The following IDH2 variants were observed in gnomAD, a reference collection of about 807,000 sequenced individuals.
IDH2 encodes the protein isocitrate dehydrogenase (NADP(+)) 2.
In IDH2, 18 loss-of-function variants were observed where a neutral mutation model predicts 50.5. That is an observed-to-expected ratio of 0.36 (90% CI 0.25 to 0.53). The LOEUF (loss-of-function observed/expected upper bound fraction) is 0.53, where lower values mean the gene tolerates loss of function less well. IDH2 is among the 20% of genes least tolerant of loss of function. The probability of loss-of-function intolerance (pLI) is 0.92; values close to 1 mark genes in which losing one functional copy is unlikely to be tolerated. For synonymous variants in IDH2, 280 were observed against 239.8 expected (o/e 1.17, Z -1.55); for missense variants, 518 against 610.7 (o/e 0.85, Z 1.60).
chr15:90,098,410 C>T lies in IDH2; in HGVS notation c.115+3866G>A, dbSNP rs1272451634. Among the ~76,000 whole-genome samples, 1 of 152,214 alleles carries T rather than the reference C, an allele frequency of 6.6e-6. No individual in the cohort carries two copies. The highest frequency in any genetic ancestry group is 6.5e-5 in the Admixed American group (1 of 15,288). On this transcript the variant is annotated intron_variant, in intron 1 of 10. Transcript: ENST00000330062. This position sits in a 1 kb window ranked among gnomAD's most constrained non-coding sequence, Gnocchi z 5.1. ...ACCCATGCTCTCAGCAGAAAGGCTG[C>T]TCAGTCAGCATGTCCCAGCAAAAGA...
chr15:90,098,545 T>TGCATGCATGTAC lies in IDH2; in HGVS notation c.115+3730_115+3731insGTACATGCATGC, dbSNP rs1330187779. ...ATGTATGCATGCATGTATGTATGTA[T>TGCATGCATGTAC]GTATGTATGTATGTATTGAGACAGA... On this transcript the variant is annotated intron_variant, in intron 1 of 10. Coordinates refer to ENST00000330062, the MANE Select transcript of IDH2 (RefSeq NM_002168.4). This position sits in a 1 kb window ranked among gnomAD's most constrained non-coding sequence, Gnocchi z 5.1. Among the ~76,000 whole-genome samples, 2 of 151,806 alleles carry TGCATGCATGTAC rather than the reference T, an allele frequency of 1.3e-5. No individual in the cohort carries two copies. Among genetic ancestry groups the TGCATGCATGTAC allele is most frequent in the Non-Finnish European group, 2.9e-5 (2 of 67,928 alleles).
At position 90,085,370 on chromosome 15, in the gene IDH2, G is replaced by A. The variant is rs550377664; in HGVS notation, c.985C>T (p.Leu329=). 8.4e-6 allele frequency: 13 copies of A among 1,556,834 alleles called. No individual in the cohort carries two copies. The highest frequency in any genetic ancestry group is 1.1e-5 in the Non-Finnish European group (13 of 1,149,570). Residue 329 remains leucine (L), a synonymous_variant, in exon 8 of 11, where the codon CTG becomes TTG. Coordinates refer to ENST00000330062, the MANE Select transcript of IDH2 (RefSeq NM_002168.4). The surrounding 1 kb of genome is among the most constrained non-coding windows in gnomAD (Gnocchi z 5.5). ...ILAQGFGSLG[L]MTSVLVCPDG... ...GGGCAGACCAGGACGGACGTCATCA[G>A]GCCAAGGGAGCCAAAGCCTGGAGGG...
chr15:90,093,124 G>T (rs1040886432), intron 1 of IDH2, among the ~76,000 whole-genome samples: 1 of 152,246 alleles, frequency 6.6e-6, no homozygotes, highest in African/African-American at 2.4e-5. Context: ...CACCAAATCA[G>T]TAAGAGGTTG....
intron 1 of IDH2, among the ~76,000 whole-genome samples, chr15:90,101,916 C>A (rs1901343360): frequency 6.6e-6 from 1 of 151,966 alleles, no homozygotes; most frequent in African/African-American, 2.4e-5. Context: ...CACGGGTGCT[C>A]GTCTCGTTCC....
intron 1 of IDH2, among the ~76,000 whole-genome samples, chr15:90,097,169 G>T (rs1480225174): frequency 6.6e-6 from 1 of 152,170 alleles, no homozygotes; most frequent in African/African-American, 2.4e-5. Flanking sequence ...TACCTGTGGT[G>T]TCAGTTACCC....
Position 90,083,713 on chromosome 15 carries a change from ACT to A in IDH2, c.*551_*552del, listed in dbSNP as rs1358848707. 4 of 184,262 alleles carry A rather than the reference ACT, an allele frequency of 2.2e-5. No individual in the cohort carries two copies. Among genetic ancestry groups the A allele is most frequent in the African/African-American group, 9.5e-5 (4 of 42,254 alleles). 11.4% of individuals were successfully genotyped at this position (184,262 alleles called of 1,614,324 possible). ...ATGACAACCTATCAGGAACTGATTG[ACT>A]CTCAGAATGGAGAACTGGACACAGA... On this transcript the variant is annotated 3_prime_UTR_variant, in exon 11 of 11. Transcript: ENST00000330062.
At chr15:90,095,424 G>A (rs993848926) in intron 1 of IDH2, among the ~76,000 whole-genome samples, 1 of 151,520 alleles carries the variant, frequency 6.6e-6, no homozygotes, top group Non-Finnish European at 1.5e-5. Context: ...GTTTAGTTCT[G>A]GGGAGCATCT....
rs925624791 is a variant in IDH2, at chr15:90,085,489, C to T, written c.968-102G>A. Reference sequence around the variant, plus strand: ...ACCCAATATTGTAGCTGCCATAGTTCGTGGCTCTACTCAGCCTCCCCCAGC... The same window carrying T: ...ACCCAATATTGTAGCTGCCATAGTTTGTGGCTCTACTCAGCCTCCCCCAGC... On this transcript the variant is annotated intron_variant, in intron 7 of 10. Coordinates refer to ENST00000330062, the MANE Select transcript of IDH2 (RefSeq NM_002168.4). The surrounding 1 kb of genome is among the most constrained non-coding windows in gnomAD (Gnocchi z 5.5). 39 of 833,570 alleles carry T rather than the reference C, an allele frequency of 4.7e-5. No homozygotes were observed. Among genetic ancestry groups the T allele is most frequent in the Non-Finnish European group, 6.4e-5 (32 of 501,890 alleles). 51.6% of individuals were successfully genotyped at this position (833,570 alleles called of 1,614,324 possible). A position where few individuals can be genotyped will look rare whatever the true frequency, so the allele number is the denominator to read the frequency against.
intron 1 of IDH2, among the ~76,000 whole-genome samples, chr15:90,093,478 G>C (rs991402640): frequency 6.6e-6 from 1 of 152,196 alleles, no homozygotes; most frequent in Non-Finnish European, 1.5e-5. Context: ...GGTGATAAAG[G>C]AAATAGTATA....
At chr15:90,095,296 T>C (rs1008239873) in intron 1 of IDH2, among the ~76,000 whole-genome samples, 5 of 152,064 alleles carry the variant, frequency 3.3e-5, no homozygotes, top group Admixed American at 6.5e-5. Flanking sequence ...CTACTGCCTT[T>C]CCCAAGACGC....
chr15:90,086,430 G>A (rs567951269), intron 7 of IDH2, among the ~76,000 whole-genome samples: 106 of 151,896 alleles, frequency 7.0e-4, no homozygotes, highest in African/African-American at 2.5e-3. Flanking sequence ...TTTCACCCTT[G>A]TTGCCCAGGC....
chr15:90,090,749 A>C, intron 2 of IDH2, 105 bp from the exon 3 acceptor site: 1 of 1,240,816 alleles, frequency 8.1e-7, no homozygotes, highest in Non-Finnish European at 1.2e-6. Context: ...ACAGTCAGTC[A>C]AAACAGGGAT....
chr15:90,102,027 C>T (rs1301667421), intron 1 of IDH2, among the ~76,000 whole-genome samples: 1 of 151,684 alleles, frequency 6.6e-6, no homozygotes, highest in Non-Finnish European at 1.5e-5. Context: ...CCCCCGCCCG[C>T]GCAGAGCTGG....
chr15:90,096,647 G>A (rs1429857738), intron 1 of IDH2, among the ~76,000 whole-genome samples: 2 of 152,184 alleles, frequency 1.3e-5, no homozygotes, highest in Non-Finnish European at 2.9e-5. Flanking sequence ...GGGCACGGTG[G>A]CTCGCACCTG....
chr15:90,093,609 A>ATTTATTTATTTATTTATTT (rs368978089), intron 1 of IDH2, among the ~76,000 whole-genome samples: 1 of 150,332 alleles, frequency 6.7e-6, no homozygotes, highest in African/African-American at 2.4e-5. Context: ...TTAATTAATT[A>ATTTATTTATTTATTTATTT]ATTTATTTAT....
At chr15:90,099,145 A>T (rs1057491046) in intron 1 of IDH2, among the ~76,000 whole-genome samples, 2 of 152,002 alleles carry the variant, frequency 1.3e-5, no homozygotes, top group African/African-American at 4.8e-5. Context: ...TCCCGATAAG[A>T]TGGAAATCAG....
chr15:90,089,639 T>C (rs2151550744), intron 3 of IDH2, among the ~76,000 whole-genome samples: 1 of 152,326 alleles, frequency 6.6e-6, no homozygotes, highest in East Asian at 1.9e-4. Flanking sequence ...GGGGCAGGCC[T>C]GGGGAATTTG....
rs914590416 is a variant in IDH2, at chr15:90,087,449, T to A, written c.805A>T (p.Ile269Phe). The part of the protein sequence containing the change: ...DGRFKDIFQE[I>F]FDKHYKTDFD... ...TGGATGAGGCTTTACTTGTCAAAGATCTCCTGGAAGATGTCCTTGAAACGC... is the reference window on the plus strand; with the variant it reads ...TGGATGAGGCTTTACTTGTCAAAGAACTCCTGGAAGATGTCCTTGAAACGC... The change falls in exon 6 of 11, where the codon ATC (isoleucine) becomes TTC (phenylalanine). Residue 269 changes from isoleucine (I) to phenylalanine (F), a missense_variant. Coordinates refer to ENST00000330062, the MANE Select transcript of IDH2 (RefSeq NM_002168.4). The A allele has an allele frequency of 6.2e-7, 1 of 1,614,042 alleles. No individual in the cohort carries two copies. The highest frequency in any genetic ancestry group is 8.5e-7 in the Non-Finnish European group (1 of 1,180,022).
chr15:90,102,466 G>T lies in IDH2; in HGVS notation c.-76C>A. 1.2e-6 allele frequency: 1 copy of T among 826,602 alleles called. No homozygotes were observed. Among genetic ancestry groups the T allele is most frequent in the Non-Finnish European group, 1.6e-6 (1 of 630,594 alleles). 51.2% of individuals were successfully genotyped at this position (826,602 alleles called of 1,614,324 possible). On this transcript the variant is annotated 5_prime_UTR_variant, in exon 1 of 11. Coordinates refer to ENST00000330062, the MANE Select transcript of IDH2 (RefSeq NM_002168.4). ...GCTCCTCCCGGCTGCCTGGCCGCGG[G>T]CTAACGCTGGGCCTGGCGGGCGCTG...
Sources: allele counts gnomAD v4.1 joint callset (sites outside exome capture counted in the v4.1 genomes callset), GRCh38; gene constraint gnomAD v4.1.1; non-coding constraint Gnocchi (gnomAD v3.1); transcripts MANE v1.5; gene names NCBI Gene and HGNC (gene_info 2026-07-23, HGNC 2026-07-21).